ZBBX: variants seen among roughly 807,000 people sequenced by gnomAD.
The protein encoded by ZBBX is zinc finger B-box domain containing.
ZBBX carries 101 observed loss-of-function variants against 108.5 expected under a neutral mutation model. That is an observed-to-expected ratio of 0.93 (90% CI 0.79 to 1.10). The LOEUF is 1.10. Among genes scored for constraint, ZBBX ranks in the 50% least tolerant of loss-of-function variants. The pLI, the probability that ZBBX is intolerant of heterozygous loss-of-function variation, is 0.00. For synonymous variants in ZBBX, 356 were observed against 323.4 expected (o/e 1.10, Z -1.08); for missense variants, 1,009 against 941.4 (o/e 1.07, Z -0.94).
chr3:167,239,267 C>T (rs1311962330), downstream of ZBBX, among the ~76,000 whole-genome samples: 11 of 152,132 alleles, frequency 7.2e-5, no homozygotes, highest in South Asian at 4.1e-4. Flanking sequence ...AACTAATTTG[C>T]TTTACTCAAT....
chr3:167,198,162 C>A, the ZBBX span, among the ~76,000 whole-genome samples: 1 of 151,680 alleles, frequency 6.6e-6, no homozygotes, highest in South Asian at 2.1e-4. Flanking sequence ...TAACCTTTCT[C>A]CAAGCATCTC....
chr3:167,363,342 C>T (rs1178712251), intron 6 of ZBBX, among the ~76,000 whole-genome samples: 2 of 152,018 alleles, frequency 1.3e-5, no homozygotes, highest in African/African-American at 4.8e-5. Flanking sequence ...AAATTCATCC[C>T]ATTTCCCTTA....
chr3:167,310,991 G>T (rs1734487025), intron 16 of ZBBX, among the ~76,000 whole-genome samples: 1 of 152,048 alleles, frequency 6.6e-6, no homozygotes, highest in South Asian at 2.1e-4. Flanking sequence ...AATGACCCAG[G>T]ATAGTGAACA....
intron 17 of ZBBX, among the ~76,000 whole-genome samples, chr3:167,302,010 T>C (rs1292332060): frequency 6.6e-6 from 1 of 151,928 alleles, no homozygotes; most frequent in Non-Finnish European, 1.5e-5. Context: ...ATTAATTTTG[T>C]TAGCATTTTG....
chr3:167,338,120 C>T (rs2108429604), intron 9 of ZBBX, among the ~76,000 whole-genome samples: 1 of 152,192 alleles, frequency 6.6e-6, no homozygotes, highest in Admixed American at 6.6e-5. Context: ...TAAACTAGAG[C>T]CAAAAGATGT....
the ZBBX span, among the ~76,000 whole-genome samples, chr3:167,228,584 A>C: frequency 2.0e-5 from 3 of 151,828 alleles, no homozygotes; most frequent in Non-Finnish European, 4.4e-5. Context: ...ATGCGTTTGC[A>C]TTCCCTGATG....
At chr3:167,278,392 A>G (rs1222183621) in intron 20 of ZBBX, among the ~76,000 whole-genome samples, 3 of 147,680 alleles carry the variant, frequency 2.0e-5, no homozygotes, top group African/African-American at 7.5e-5. Context: ...AATCAAATAG[A>G]CGCAATAAAA....
chr3:167,225,464 C>A, the ZBBX span, among the ~76,000 whole-genome samples: 1 of 151,746 alleles, frequency 6.6e-6, no homozygotes, highest in Non-Finnish European at 1.5e-5. Context: ...TCAGCTCATA[C>A]CCAGACCCTA....
the ZBBX span, among the ~76,000 whole-genome samples, chr3:167,212,194 G>T: frequency 2.0e-5 from 3 of 152,100 alleles, no homozygotes; most frequent in Non-Finnish European, 4.4e-5. Context: ...TGGAAAATCC[G>T]ATGTGACTAA....
At chr3:167,332,515 A>G (rs1373586094) in intron 10 of ZBBX, among the ~76,000 whole-genome samples, 1 of 152,186 alleles carries the variant, frequency 6.6e-6, no homozygotes, top group East Asian at 1.9e-4. Flanking sequence ...AATAACACAG[A>G]GGAGCCTACT....
At chr3:167,182,560 C>T in the ZBBX span, among the ~76,000 whole-genome samples, 7 of 152,206 alleles carry the variant, frequency 4.6e-5, no homozygotes. Flanking sequence ...CATCATCCTG[C>T]ATGACCACTT....
intron 20 of ZBBX, among the ~76,000 whole-genome samples, chr3:167,276,222 C>T (rs1001350739): frequency 2.7e-4 from 41 of 152,294 alleles, no homozygotes; most frequent in South Asian, 1.7e-3. Flanking sequence ...TCACCAGCAA[C>T]GGAACAAAGC....
At chr3:167,373,405 C>G (rs1323393458) in intron 3 of ZBBX, among the ~76,000 whole-genome samples, 1 of 152,012 alleles carries the variant, frequency 6.6e-6, no homozygotes, top group African/African-American at 2.4e-5. Flanking sequence ...TATTTATGTG[C>G]TAATAAAGTT....
the ZBBX span, among the ~76,000 whole-genome samples, chr3:167,225,594 A>G: frequency 6.6e-6 from 1 of 151,836 alleles, no homozygotes; most frequent in African/African-American, 2.4e-5. Context: ...CTATCCCACT[A>G]GTCACCAAGA....
At chr3:167,256,518 T>G (rs1354530071) in intron 20 of ZBBX, among the ~76,000 whole-genome samples, 1 of 148,458 alleles carries the variant, frequency 6.7e-6, no homozygotes, top group Non-Finnish European at 1.5e-5. Context: ...TTGACTATAG[T>G]AACCCTGTTG....
the ZBBX span, among the ~76,000 whole-genome samples, chr3:167,228,021 G>C: frequency 3.3e-5 from 5 of 151,670 alleles, no homozygotes; most frequent in African/African-American, 1.2e-4. Flanking sequence ...CTTAGGTCTA[G>C]ATTCTGGGCC....
intron 6 of ZBBX, among the ~76,000 whole-genome samples, chr3:167,364,847 T>G (rs1745087993): frequency 6.6e-6 from 1 of 151,920 alleles, no homozygotes; most frequent in Admixed American, 6.6e-5. Context: ...CAAACAAAAC[T>G]CTAAATGTAT....
chr3:167,201,605 T>C, the ZBBX span, among the ~76,000 whole-genome samples: 1 of 152,144 alleles, frequency 6.6e-6, no homozygotes, highest in East Asian at 1.9e-4. Context: ...ACTCATCATG[T>C]AAATTGCATT....
chr3:167,194,931 C>T, the ZBBX span, among the ~76,000 whole-genome samples: 1 of 152,084 alleles, frequency 6.6e-6, no homozygotes, highest in African/African-American at 2.4e-5. Flanking sequence ...AAGCAATGAC[C>T]CTTGACAAGG....
Sources: gnomAD v4.1 joint callset for allele counts (sites outside exome capture counted in the v4.1 genomes callset) on GRCh38, gnomAD v4.1.1 for gene constraint, MANE v1.5 for transcripts, NCBI Gene and HGNC (gene_info 2026-07-23, HGNC 2026-07-21) for gene names.